Variants in P3H2 observed in about 807,000 individuals in gnomAD.
P3H2 encodes prolyl 3-hydroxylase 2.
In P3H2, 80 loss-of-function variants were observed where a neutral mutation model predicts 87.0. The observed-to-expected ratio is 0.92, with a 90% confidence interval of 0.77 to 1.11. The LOEUF is 1.11. Among genes scored for constraint, P3H2 ranks in the 50% least tolerant of loss-of-function variants. The probability of loss-of-function intolerance (pLI) is 0.00; values close to 1 mark genes in which losing one functional copy is unlikely to be tolerated. For missense variants in P3H2, 1,001 were observed against 923.9 expected, an observed-to-expected ratio of 1.08 and a Z score of -1.08; for synonymous variants, 367 against 359.3, an observed-to-expected ratio of 1.02 and a Z score of -0.24.
rs777631064 is a variant in P3H2 at position 190,005,017 on chromosome 3, A to G, written c.481-9575T>C. Among the ~76,000 whole-genome samples the G allele has an allele frequency of 6.2e-4, 91 of 145,848 alleles. No homozygotes were observed. The Middle Eastern group carries it at 0.014, about 22-fold the overall frequency. On this transcript the variant is annotated intron_variant, in intron 1 of 14. Coordinates refer to ENST00000319332, the MANE Select transcript of P3H2 (RefSeq NM_018192.4). ...AATTTGTCACAAATCACTTGTCACA[A>G]ATCATTTGTCAAAAATCATATGTCA...
intron 1 of P3H2, among the ~76,000 whole-genome samples, chr3:190,041,318 A>G (rs530303820): frequency 1.3e-5 from 2 of 149,384 alleles, no homozygotes; most frequent in Admixed American, 6.7e-5. Flanking sequence ...TTGTGTTTAC[A>G]TAAGTTCTTC....
At chr3:190,012,538 G>T (rs1333529662) in intron 1 of P3H2, among the ~76,000 whole-genome samples, 2 of 152,106 alleles carry the variant, frequency 1.3e-5, no homozygotes, top group Non-Finnish European at 2.9e-5. Context: ...CGGTCCTGAT[G>T]AATTTTGTCT....
At chr3:189,973,502 TC>T (rs1577248060) in intron 10 of P3H2, among the ~76,000 whole-genome samples, 6 of 62,934 alleles carry the variant, frequency 9.5e-5, no homozygotes, top group African/African-American at 1.3e-4. Flanking sequence ...TTTCTTTCTT[TC>T]TTTCTTTCTT....
At chr3:190,075,862 G>A (rs1726856449) in intron 1 of P3H2, among the ~76,000 whole-genome samples, 1 of 152,160 alleles carries the variant, frequency 6.6e-6, no homozygotes, top group East Asian at 1.9e-4. Context: ...ACTACAGGTT[G>A]TATTTTAGAG....
chr3:189,980,345 A>G (rs1336443988), intron 8 of P3H2, among the ~76,000 whole-genome samples: 2 of 152,150 alleles, frequency 1.3e-5, no homozygotes, highest in Non-Finnish European at 2.9e-5. Flanking sequence ...CGGGAGGATC[A>G]CAAGGTCAGG....
At chr3:190,092,245 A>AAT (rs397754253) in intron 1 of P3H2, among the ~76,000 whole-genome samples, 4 of 151,716 alleles carry the variant, frequency 2.6e-5, no homozygotes, top group Non-Finnish European at 5.9e-5. Flanking sequence ...AAAAAAAAAA[A>AAT]TCCAGTTGGT....
intron 1 of P3H2, among the ~76,000 whole-genome samples, chr3:190,116,369 G>A (rs573870591): frequency 7.2e-5 from 11 of 152,274 alleles, no homozygotes; most frequent in African/African-American, 1.9e-4. Flanking sequence ...AAATAGGAAC[G>A]TAGGCCCCAT....
intron 1 of P3H2, among the ~76,000 whole-genome samples, chr3:190,060,873 T>A (rs767825971): frequency 6.6e-6 from 1 of 152,174 alleles, no homozygotes; most frequent in South Asian, 2.1e-4. Flanking sequence ...TTTGTTTTAT[T>A]TTGATGACCT....
At chr3:189,981,680 C>T (rs1173409162) in intron 8 of P3H2, among the ~76,000 whole-genome samples, 1 of 152,178 alleles carries the variant, frequency 6.6e-6, no homozygotes, top group African/African-American at 2.4e-5. Context: ...TTGCTGGACA[C>T]CAGATTCCCT....
chr3:189,972,082 T>G, intron 11 of P3H2, 75 bp from the exon 12 acceptor site: 14 of 885,256 alleles, frequency 1.6e-5, no homozygotes, highest in Non-Finnish European at 1.9e-5. Context: ...ACAATCTCTC[T>G]TCTCCCAGTC....
chr3:190,121,094 G>A (rs1560027499), upstream of P3H2: 1 of 283,106 alleles, frequency 3.5e-6, no homozygotes, highest in South Asian at 6.7e-5. Context: ...TTACACGTGA[G>A]CTCCCTTCTG....
At chr3:190,071,822 T>C (rs1726706009) in intron 1 of P3H2, among the ~76,000 whole-genome samples, 1 of 152,104 alleles carries the variant, frequency 6.6e-6, no homozygotes, top group African/African-American at 2.4e-5. Context: ...AATGAGGAAC[T>C]GGGAACAGTA....
chr3:189,992,015 T>C (rs951461786), intron 3 of P3H2, among the ~76,000 whole-genome samples: 2 of 152,120 alleles, frequency 1.3e-5, no homozygotes, highest in African/African-American at 2.4e-5. Context: ...AAAAATCATA[T>C]GGGAATAGGA....
rs111489022 is a variant in P3H2 at position 190,027,126 on chromosome 3, CA to C, written c.481-31685del. Among the ~76,000 whole-genome samples, 893 of 152,290 alleles carry C rather than the reference CA, an allele frequency of 5.9e-3. 7 individuals carry two copies. The highest frequency in any genetic ancestry group is 0.021 in the African/African-American group (852 of 41,550). On this transcript the variant is annotated intron_variant, in intron 1 of 14. Coordinates refer to ENST00000319332, the MANE Select transcript of P3H2 (RefSeq NM_018192.4). ...GACAAAACTGAGGCACTGAGAAGTA[CA>C]ACTAACTTCACCAAACAAATGGGTT...
At chr3:189,983,249 G>T in intron 7 of P3H2, 109 bp from the exon 8 acceptor site, 1 of 808,680 alleles carries the variant, frequency 1.2e-6, no homozygotes, top group Non-Finnish European at 2.1e-6. Flanking sequence ...GTATTTTATT[G>T]TAAACAAGTT....
intron 1 of P3H2, among the ~76,000 whole-genome samples, chr3:190,099,942 T>C (rs537719838): frequency 6.6e-6 from 1 of 152,264 alleles, no homozygotes; most frequent in South Asian, 2.1e-4. Flanking sequence ...TGCTATAAAA[T>C]ACCACTTCTG....
chr3:189,957,871 A>T lies in P3H2; in HGVS notation c.*41T>A, dbSNP rs374946961. The T allele has an allele frequency of 7.3e-7, 1 of 1,370,456 alleles. No homozygotes were observed. The highest frequency in any genetic ancestry group is 1.0e-6 in the Non-Finnish European group (1 of 959,770). 84.9% of individuals were successfully genotyped at this position (1,370,456 alleles called of 1,614,324 possible). A position where few individuals can be genotyped will look rare whatever the true frequency, so the allele number is the denominator to read the frequency against. Reference sequence around the variant, plus strand: ...AAATAAAAAGGTTCTCATAAGATTAACAATTTAAATAAATATTTGATAGAA... The same window carrying T: ...AAATAAAAAGGTTCTCATAAGATTATCAATTTAAATAAATATTTGATAGAA... On this transcript the variant is annotated 3_prime_UTR_variant, in exon 15 of 15. Coordinates refer to ENST00000319332, the MANE Select transcript of P3H2 (RefSeq NM_018192.4).
At chr3:190,108,143 C>T (rs1295984755) in intron 1 of P3H2, among the ~76,000 whole-genome samples, 3 of 151,478 alleles carry the variant, frequency 2.0e-5, no homozygotes, top group South Asian at 2.1e-4. Flanking sequence ...GCAGGTTTCA[C>T]ACACCATAAT....
chr3:190,105,326 A>G (rs1025935218), intron 1 of P3H2, among the ~76,000 whole-genome samples: 1 of 152,242 alleles, frequency 6.6e-6, no homozygotes, highest in African/African-American at 2.4e-5. Context: ...CTTCAGTGCC[A>G]TAAAGATCAG....
Sources: gnomAD v4.1 joint callset for allele counts (sites outside exome capture counted in the v4.1 genomes callset) on GRCh38, gnomAD v4.1.1 for gene constraint, MANE v1.5 for transcripts, NCBI Gene and HGNC (gene_info 2026-07-23, HGNC 2026-07-21) for gene names.